The following WDR89 variants were observed in gnomAD, a reference collection of about 807,000 sequenced individuals.
The protein encoded by WDR89 is WD repeat-containing protein 89.
In WDR89, 17 loss-of-function variants were observed where a neutral mutation model predicts 29.1. The observed-to-expected ratio is 0.58, with a 90% CI of 0.40 to 0.88. The LOEUF is 0.88. Ranked by LOEUF, WDR89 falls within the 40% of genes least tolerant of loss-of-function variation. The pLI is 0.00. For missense variants in WDR89, 396 were observed against 456.3 expected, an observed-to-expected ratio of 0.87 and a Z score of 1.20; for synonymous variants, 138 against 157.8, an observed-to-expected ratio of 0.87 and a Z score of 0.94.
intron 2 of WDR89, among the ~76,000 whole-genome samples, chr14:63,622,897 A>G (rs1007615197): frequency 6.6e-6 from 1 of 152,158 alleles, no homozygotes; most frequent in African/African-American, 2.4e-5. Context: ...CTAGATTTTA[A>G]CAAGTCAAAA....
chr14:63,599,075 G>A lies in WDR89; in HGVS notation c.868C>T (p.His290Tyr). The stretch of plus-strand genomic sequence containing the variant: ...CCTTTGTTTGTTCCTCCAATAACAT[G>A]CAATGTGTCTGTCTTTTCATGATAT... ...GLYHEKTDTL[H>Y]VIGGTNKGRI... Residue 290 changes from histidine (H) to tyrosine (Y), a missense_variant, in exon 3 of 3, where the codon CAT becomes TAT. By Grantham distance (83) the His-to-Tyr change is moderately conservative. Coordinates refer to ENST00000620954, the MANE Select transcript of WDR89 (RefSeq NM_080666.4). The A allele has an allele frequency of 6.2e-7, 1 of 1,614,152 alleles. No individual in the cohort carries two copies. The highest frequency in any genetic ancestry group is 8.5e-7 in the Non-Finnish European group (1 of 1,180,040).
In WDR89 at chr14:63,597,287, G is replaced by C. The variant is rs1894840733; in HGVS notation, c.*1492C>G. The C allele has an allele frequency of 6.6e-6, 1 of 152,158 alleles. No individual in the cohort carries two copies. The highest frequency in any genetic ancestry group is 2.1e-4 in the South Asian group (1 of 4,826). The allele number at this position is 152,158 out of a possible 1,614,324, so 9.4% of individuals were successfully genotyped here. A position where few individuals can be genotyped will look rare whatever the true frequency, so the allele number is the denominator to read the frequency against. ...CCCATGATCCAATCACCTCCCACCA[G>C]GTCTCTCCCTAGACACATGGGGATT... On this transcript the variant is annotated 3_prime_UTR_variant, in exon 3 of 3. Transcript: ENST00000620954.
chr14:63,603,523 T>A (rs544932761), intron 2 of WDR89, among the ~76,000 whole-genome samples: 18 of 152,344 alleles, frequency 1.2e-4, no homozygotes, highest in African/African-American at 4.3e-4. Context: ...TTTCTATCAT[T>A]CTTTCTACCT....
At chr14:63,639,266 T>C (rs917968210) in intron 1 of WDR89, among the ~76,000 whole-genome samples, 1 of 150,354 alleles carries the variant, frequency 6.7e-6, no homozygotes, top group Non-Finnish European at 1.5e-5. Context: ...ATGCCAGTAA[T>C]GCCAGAACTT....
chr14:63,599,484 C>T lies in WDR89; in HGVS notation c.459G>A (p.Gln153=), dbSNP rs1894944462. The T allele has an allele frequency of 6.2e-7, 1 of 1,614,170 alleles. No homozygotes were observed. Residue 153 remains glutamine, a synonymous_variant, in exon 3 of 3, where the codon CAG becomes CAA. Coordinates refer to ENST00000620954, the MANE Select transcript of WDR89 (RefSeq NM_080666.4). ...GTGAGTCTTTAGTTGTAGATAAATTCTGAGAATTCATCCTTGCATCCCAAA... is the reference window on the plus strand; with the variant it reads ...GTGAGTCTTTAGTTGTAGATAAATTTTGAGAATTCATCCTTGCATCCCAAA... ...LVFWDARMNS[Q]NLSTTKDSLG...
At chr14:63,616,826 G>A (rs1566794658) in intron 2 of WDR89, among the ~76,000 whole-genome samples, 1 of 152,184 alleles carries the variant, frequency 6.6e-6, no homozygotes, top group East Asian at 1.9e-4. Context: ...GCTGCCTGGA[G>A]AACAGACTAA....
chr14:63,614,119 T>C (rs1017026183), intron 2 of WDR89, among the ~76,000 whole-genome samples: 4 of 152,078 alleles, frequency 2.6e-5, no homozygotes, highest in Admixed American at 6.6e-5. Context: ...ACTGTCTCTA[T>C]ATAAGCATGT....
At chr14:63,601,642 T>G in intron 2 of WDR89, 6 of 1,613,318 alleles carry the variant, frequency 3.7e-6, no homozygotes, top group Non-Finnish European at 5.1e-6. Flanking sequence ...CAAGCAACAG[T>G]AGTCGCTGTT....
intron 2 of WDR89, among the ~76,000 whole-genome samples, chr14:63,607,881 C>CAAA (rs770768578): frequency 0.013 from 795 of 61,980 alleles, 4 homozygotes; most frequent in African/African-American, 0.044. Flanking sequence ...AAGTCTGACT[C>CAAA]AAAAAAAAAA....
chr14:63,641,422 T>C (rs1275204621), intron 1 of WDR89: 2 of 152,278 alleles, frequency 1.3e-5, no homozygotes, highest in Non-Finnish European at 2.9e-5. Flanking sequence ...AAAAGGATTA[T>C]ACTAAACCCT....
At chr14:63,630,322 T>C (rs1487668345) in intron 1 of WDR89, among the ~76,000 whole-genome samples, 3 of 151,730 alleles carry the variant, frequency 2.0e-5, no homozygotes, top group Non-Finnish European at 4.4e-5. Context: ...AGGCTGAAGG[T>C]TGGGAGACCA....
intron 1 of WDR89, among the ~76,000 whole-genome samples, chr14:63,629,916 G>A (rs1007243355): frequency 2.6e-5 from 4 of 152,168 alleles, no homozygotes; most frequent in South Asian, 4.2e-4. Flanking sequence ...GGAAGGGGTC[G>A]GTAGCAAAAA....
At chr14:63,637,668 C>T (rs1245104359) in intron 1 of WDR89, among the ~76,000 whole-genome samples, 1 of 152,010 alleles carries the variant, frequency 6.6e-6, no homozygotes, top group Admixed American at 6.6e-5. Flanking sequence ...CTGGATGAGA[C>T]TGGAGACTAT....
chr14:63,611,759 C>A (rs1882006066), intron 2 of WDR89, among the ~76,000 whole-genome samples: 1 of 149,230 alleles, frequency 6.7e-6, no homozygotes, highest in African/African-American at 2.5e-5. Context: ...CAGGGTCTGG[C>A]TCTGTCCCCC....
Position 63,601,106 on chromosome 14 carries a change from T to C in WDR89, c.-31-1133A>G, listed in dbSNP as rs987636924. On this transcript the variant is annotated intron_variant, in intron 2 of 2. Transcript: ENST00000620954. ...TGTCCTCTAAGCCTCCAAATGGAAA[T>C]GCAGCCCTGTTGACATCTTAATTTT... Among the ~76,000 whole-genome samples, 141 of 152,108 alleles carry C rather than the reference T, an allele frequency of 9.3e-4. 2 individuals are homozygous for C. Among genetic ancestry groups the C allele is most frequent in the East Asian group, 1.9e-4 (1 of 5,198 alleles).
At chr14:63,633,434 C>T (rs1167378505) in intron 1 of WDR89, among the ~76,000 whole-genome samples, 2 of 152,042 alleles carry the variant, frequency 1.3e-5, no homozygotes, top group African/African-American at 2.4e-5. Context: ...TTTCCTGACA[C>T]TGGATAGTTT....
At chr14:63,607,501 C>T (rs1881644192) in intron 2 of WDR89, among the ~76,000 whole-genome samples, 1 of 152,092 alleles carries the variant, frequency 6.6e-6, no homozygotes, top group South Asian at 2.1e-4. Context: ...CAGAAATCCC[C>T]ACATGCGCAT....
chr14:63,624,235 G>A (rs1326121407), intron 2 of WDR89, among the ~76,000 whole-genome samples: 1 of 151,986 alleles, frequency 6.6e-6, no homozygotes, highest in East Asian at 1.9e-4. Flanking sequence ...TGGGAGGCCT[G>A]GGAGGTGGAT....
chr14:63,617,077 CTTTTT>C (rs10602220), intron 2 of WDR89, among the ~76,000 whole-genome samples: 2 of 104,122 alleles, frequency 1.9e-5, no homozygotes, highest in Admixed American at 1.0e-4. Context: ...TAATTACAAG[CTTTTT>C]TTTTTTTTTT....
Sources: gnomAD v4.1 joint callset for allele counts (sites outside exome capture counted in the v4.1 genomes callset) on GRCh38, gnomAD v4.1.1 for gene constraint, MANE v1.5 for transcripts, NCBI Gene and HGNC (gene_info 2026-07-23, HGNC 2026-07-21) for gene names.